Variants in MYO1F observed in about 807,000 individuals in gnomAD.
MYO1F encodes the protein unconventional myosin-If.
In MYO1F, 60 loss-of-function variants were observed where a neutral mutation model predicts 146.6. The observed-to-expected ratio is 0.41, with a 90% CI of 0.33 to 0.51. The LOEUF is 0.51. MYO1F is among the 20% of genes least tolerant of loss of function. The pLI, the probability that MYO1F is intolerant of heterozygous loss-of-function variation, is 0.25. For synonymous variants in MYO1F, 602 were observed against 602.1 expected (o/e 1.00, Z 0.00); for missense variants, 1,274 against 1,534.3 (o/e 0.83, Z 2.83).
rs1430942157 is a variant in MYO1F, at chr19:8,553,470, G to A, written c.327-33C>T. Reference sequence around the variant, plus strand: ...TGAATGGAGGAATAAATGATCAGTGGTTGGGGAAGAGCCCTTTTTAGTGCC... The same window carrying A: ...TGAATGGAGGAATAAATGATCAGTGATTGGGGAAGAGCCCTTTTTAGTGCC... On this transcript the variant is annotated intron_variant, in intron 4 of 27. Transcript: ENST00000644032. The A allele has an allele frequency of 2.5e-6, 4 of 1,592,422 alleles. No homozygotes were observed. In the South Asian group the frequency reaches 4.4e-5, roughly 18 times the overall value.
chr19:8,565,462 A>C (rs933764918), intron 1 of MYO1F, among the ~76,000 whole-genome samples: 1 of 151,952 alleles, frequency 6.6e-6, no homozygotes, highest in East Asian at 1.9e-4. Flanking sequence ...GAATAGCTTG[A>C]ACCTGGGAGG....
intron 27 of MYO1F, among the ~76,000 whole-genome samples, chr19:8,521,866 G>A (rs1187440184): frequency 1.3e-5 from 2 of 152,006 alleles, no homozygotes; most frequent in African/African-American, 4.8e-5. Context: ...GGTTGCCCAG[G>A]CTTGTCTCAA....
Position 8,526,438 on chromosome 19 carries a change from T to TC in MYO1F, c.2770+14dup, listed in dbSNP as rs1318331567. 1.9e-6 allele frequency: 3 copies of TC among 1,551,562 alleles called. No homozygotes were observed. The highest frequency in any genetic ancestry group is 2.6e-6 in the Non-Finnish European group (3 of 1,147,686). On this transcript the variant is annotated intron_variant, in intron 24 of 27. Coordinates refer to ENST00000644032, the MANE Select transcript of MYO1F (RefSeq NM_012335.4). The stretch of plus-strand genomic sequence containing the variant: ...CTGGCCCCGCCCCCTCTGCCCTAGT[T>TC]CCGCGCAGACTCACTGGAGCTCTTG...
chr19:8,572,420 A>T (rs1350135914), intron 1 of MYO1F, among the ~76,000 whole-genome samples: 1 of 151,830 alleles, frequency 6.6e-6, no homozygotes, highest in African/African-American at 2.4e-5. Flanking sequence ...GGCACATGCC[A>T]CCCCGCTTGG....
At chr19:8,527,511 T>TG (rs1972319438) in intron 21 of MYO1F, 28 bp from the exon 22 acceptor site, 1 of 1,612,082 alleles carries the variant, frequency 6.2e-7, no homozygotes, top group South Asian at 1.1e-5. Flanking sequence ...TAGAGGCTGA[T>TG]GCCTGTAGCC....
Position 8,527,268 on chromosome 19 carries a change from G to A in MYO1F, c.2474+70C>T, listed in dbSNP as rs1972309246. On this transcript the variant is annotated intron_variant, in intron 22 of 27. Transcript: ENST00000644032. ...GTAAGATTGTCAGGGTAACAGACGG[G>A]GTCACTAGAATGAGGGCAGCCAGGG... 5.6e-6 allele frequency: 9 copies of A among 1,599,678 alleles called. No individual in the cohort carries two copies. The South Asian group carries it at 8.9e-5, about 16-fold the overall frequency.
chr19:8,530,364 A>G lies in MYO1F; in HGVS notation c.2160T>C (p.Ala720=). The G allele has an allele frequency of 6.2e-7, 1 of 1,614,112 alleles. No homozygotes were observed. Among genetic ancestry groups the G allele is most frequent in the African/African-American group, 1.3e-5 (1 of 75,022 alleles). ...VRKYEEMREE[A]SNILLNKKER... ...CCTTCTTGTTCAGCAGGATGTTGGA[A>G]GCTGCGGGGACAGAGGGTGGAGGGC... The change falls in exon 21 of 28, where the codon GCT becomes GCC. Residue 720 remains alanine (A), a splice_region_variant and synonymous_variant. Transcript: ENST00000644032. This position sits in a 1 kb window ranked among gnomAD's most constrained non-coding sequence, Gnocchi z 5.8.
In MYO1F at chr19:8,540,084, CT is replaced by C. The variant is rs150279394; in HGVS notation, c.1611-57del. The C allele has an allele frequency of 0.011, 16,253 of 1,450,626 alleles. 219 individuals are homozygous for C. The highest frequency in any genetic ancestry group is 0.063 in the African/African-American group (4,481 of 71,176). The allele number at this position is 1,450,626 out of a possible 1,614,324, so 89.9% of individuals were successfully genotyped here. A position where few individuals can be genotyped will look rare whatever the true frequency, so the allele number is the denominator to read the frequency against. On this transcript the variant is annotated intron_variant, in intron 15 of 27. Coordinates refer to ENST00000644032, the MANE Select transcript of MYO1F (RefSeq NM_012335.4). ...AGGTATGGCTAGACTTTCGGGTACTCTTCCTCCAGGGGTGGGGCAGCCTCAA... is the reference window on the plus strand; with the variant it reads ...AGGTATGGCTAGACTTTCGGGTACTCTCCTCCAGGGGTGGGGCAGCCTCAA...
chr19:8,555,099 C>T (rs918942631), intron 2 of MYO1F, among the ~76,000 whole-genome samples: 3 of 151,880 alleles, frequency 2.0e-5, no homozygotes, highest in Non-Finnish European at 2.9e-5. Context: ...GGAGGAGAAT[C>T]GCTTGAACCT....
chr19:8,566,413 C>T (rs190114637), intron 1 of MYO1F, among the ~76,000 whole-genome samples: 91 of 151,908 alleles, frequency 6.0e-4, no homozygotes, highest in African/African-American at 2.1e-3. Flanking sequence ...ATGATCCACC[C>T]GCCTCGGCCT....
chr19:8,576,803 CTG>C (rs2042246958), intron 1 of MYO1F: 1 of 183,906 alleles, frequency 5.4e-6, no homozygotes, highest in South Asian at 9.1e-5. Context: ...GCCGAGGACT[CTG>C]TGGCAGAACC....
intron 19 of MYO1F, among the ~76,000 whole-genome samples, chr19:8,536,013 C>G (rs924420935): frequency 6.6e-6 from 1 of 151,984 alleles, no homozygotes; most frequent in Non-Finnish European, 1.5e-5. Flanking sequence ...CGCTCAGTCT[C>G]TCTCAGTCTC....
chr19:8,553,001 C>A, intron 6 of MYO1F, 138 bp downstream of exon 6: 1 of 836,928 alleles, frequency 1.2e-6, no homozygotes, highest in East Asian at 2.5e-5. Context: ...TGAGTCTCCC[C>A]TTCAGGAGTA....
At chr19:8,567,058 A>ATTTT (rs768377216) in intron 1 of MYO1F, among the ~76,000 whole-genome samples, 1 of 127,694 alleles carries the variant, frequency 7.8e-6, no homozygotes, top group Non-Finnish European at 1.7e-5. Flanking sequence ...ACTGGGTCCA[A>ATTTT]TTTTTTTTTT....
chr19:8,538,441 C>T (rs115086862), intron 16 of MYO1F, among the ~76,000 whole-genome samples: 3,748 of 151,784 alleles, frequency 0.025, 86 homozygotes, highest in African/African-American at 0.062. Context: ...CAGGCATATG[C>T]TGGCTAAATT....
chr19:8,529,153 G>C (rs1469519528), intron 21 of MYO1F, among the ~76,000 whole-genome samples: 1 of 152,162 alleles, frequency 6.6e-6, no homozygotes, highest in Non-Finnish European at 1.5e-5. Flanking sequence ...GTAGGTGAGG[G>C]TGTCCAGGCC....
Position 8,530,452 on chromosome 19 carries a change from C to T in MYO1F, c.2158+7G>A, listed in dbSNP as rs1972437657. On this transcript the variant is annotated splice_region_variant and intron_variant, in intron 20 of 27. Transcript: ENST00000644032. The surrounding 1 kb of genome is among the most constrained non-coding windows in gnomAD (Gnocchi z 5.8). ...CCACCCCGCGCCGTTTACCCGAAGC[C>T]TCTCACCTTCCTCCCGCATCTCCTC... 2 of 1,613,656 alleles carry T rather than the reference C, an allele frequency of 1.2e-6. No homozygotes were observed. Among genetic ancestry groups the T allele is most frequent in the East Asian group, 2.2e-5 (1 of 44,900 alleles).
At chr19:8,550,796 AC>A (rs1233522082) in intron 8 of MYO1F, 102 bp from the exon 9 acceptor site, 1 of 1,523,726 alleles carries the variant, frequency 6.6e-7, no homozygotes, top group African/African-American at 1.4e-5. Context: ...GGGAGTGAGC[AC>A]CCTTGGGTCC....
intron 1 of MYO1F, among the ~76,000 whole-genome samples, chr19:8,562,875 C>T (rs1019848911): frequency 1.1e-4 from 16 of 152,118 alleles, no homozygotes; most frequent in African/African-American, 2.9e-4. Context: ...AAAGTCATGC[C>T]GGTGGTGGCG....
Sources: allele counts gnomAD v4.1 joint callset (sites outside exome capture counted in the v4.1 genomes callset), GRCh38; gene constraint gnomAD v4.1.1; non-coding constraint Gnocchi (gnomAD v3.1); transcripts MANE v1.5; gene names NCBI Gene and HGNC (gene_info 2026-07-23, HGNC 2026-07-21).